CSMD1: variants seen among roughly 807,000 people sequenced by gnomAD.
CSMD1 encodes CUB and Sushi multiple domains 1.
CSMD1 carries 213 observed loss-of-function variants against 417.5 expected under a neutral mutation model. The ratio of observed to expected loss-of-function variants is 0.51; its 90% CI spans 0.46 to 0.57. The LOEUF is 0.57. CSMD1 is among the 20% of genes least tolerant of loss of function. CSMD1 has a pLI of 0.00. For synonymous variants in CSMD1, 2,862 were observed against 1,736.8 expected (o/e 1.65, Z -16.11); for missense variants, 6,923 against 4,529.7 (o/e 1.53, Z -15.17).
chr8:3,638,287 T>G (rs376883407), intron 7 of CSMD1, among the ~76,000 whole-genome samples: 4 of 152,296 alleles, frequency 2.6e-5, no homozygotes, highest in African/African-American at 9.6e-5. Flanking sequence ...GCAATTTACA[T>G]AGAAAATGTG....
chr8:4,400,493 A>G (rs575227737), intron 3 of CSMD1, among the ~76,000 whole-genome samples: 1 of 152,244 alleles, frequency 6.6e-6, no homozygotes, highest in Non-Finnish European at 1.5e-5. Context: ...GTTCAGCAAC[A>G]TCACGAGTTC....
At chr8:2,953,927 G>A (rs1191758413) in intron 65 of CSMD1, among the ~76,000 whole-genome samples, 2 of 152,222 alleles carry the variant, frequency 1.3e-5, no homozygotes, top group South Asian at 2.1e-4. Flanking sequence ...ATACCACATG[G>A]AACGACCAAT....
intron 5 of CSMD1, among the ~76,000 whole-genome samples, chr8:3,902,317 C>T (rs1209788129): frequency 6.6e-6 from 1 of 152,138 alleles, no homozygotes; most frequent in African/African-American, 2.4e-5. Context: ...CCAACTATTA[C>T]CCAGTAAGGA....
intron 12 of CSMD1, among the ~76,000 whole-genome samples, chr8:3,430,274 C>T (rs747835186): frequency 9.2e-5 from 14 of 152,044 alleles, no homozygotes; most frequent in Admixed American, 2.0e-4. Flanking sequence ...AATATGAATA[C>T]TTACAGGTGA....
chr8:4,788,763 A>T (rs541657431), intron 1 of CSMD1, among the ~76,000 whole-genome samples: 1 of 152,302 alleles, frequency 6.6e-6, no homozygotes, highest in South Asian at 2.1e-4. Flanking sequence ...AAAAAATAAA[A>T]AAAAATAAAG....
chr8:4,661,879 G>C (rs1049379925), intron 1 of CSMD1, among the ~76,000 whole-genome samples: 1 of 152,172 alleles, frequency 6.6e-6, no homozygotes, highest in African/African-American at 2.4e-5. Flanking sequence ...AAGGACGGTA[G>C]CATGCTGAGA....
At chr8:3,098,186 G>A (rs991794206) in intron 46 of CSMD1, among the ~76,000 whole-genome samples, 1 of 152,140 alleles carries the variant, frequency 6.6e-6, no homozygotes, top group Admixed American at 6.5e-5. Context: ...AAAATTACTT[G>A]TAGAGTGTTA....
At chr8:4,990,526 G>A (rs1811406848) in intron 1 of CSMD1, among the ~76,000 whole-genome samples, 1 of 152,148 alleles carries the variant, frequency 6.6e-6, no homozygotes, top group Admixed American at 6.5e-5. Context: ...ACCACGCCCA[G>A]CTAATTTCGT....
intron 3 of CSMD1, among the ~76,000 whole-genome samples, chr8:4,347,481 T>C (rs1262867997): frequency 2.0e-5 from 3 of 151,892 alleles, no homozygotes; most frequent in Admixed American, 1.3e-4. Context: ...AAGAAGGAAA[T>C]TGCAAGACTA....
intron 26 of CSMD1, among the ~76,000 whole-genome samples, chr8:3,266,821 G>A (rs1168304498): frequency 1.3e-5 from 2 of 150,950 alleles, no homozygotes; most frequent in African/African-American, 2.4e-5. Flanking sequence ...AGATGAATTG[G>A]TTGAGGTGCA....
intron 11 of CSMD1, among the ~76,000 whole-genome samples, chr8:3,476,304 A>T (rs1038880424): frequency 2.0e-5 from 3 of 152,212 alleles, no homozygotes; most frequent in Admixed American, 6.5e-5. Context: ...TGTTTTTGGG[A>T]GTAATGATTT....
intron 3 of CSMD1, among the ~76,000 whole-genome samples, chr8:4,218,598 GCTTAATTTCAA>G (rs1243456177): frequency 3.3e-5 from 5 of 152,234 alleles, no homozygotes; most frequent in Admixed American, 3.3e-4. Flanking sequence ...TTTTACAGTT[GCTTAATTTCAA>G]TAAAATCATA....
intron 3 of CSMD1, among the ~76,000 whole-genome samples, chr8:4,380,977 G>A (rs192361255): frequency 2.9e-4 from 44 of 152,096 alleles, no homozygotes; most frequent in African/African-American, 1.0e-3. Context: ...TCCCATTTGG[G>A]AAAAGAAAAA....
At chr8:3,335,474 T>G (rs1054976344) in intron 23 of CSMD1, among the ~76,000 whole-genome samples, 4 of 152,088 alleles carry the variant, frequency 2.6e-5, no homozygotes, top group African/African-American at 9.7e-5. Flanking sequence ...GGTCGGGAGA[T>G]CGAGACCAGC....
intron 26 of CSMD1, among the ~76,000 whole-genome samples, chr8:3,273,498 GA>G (rs1802032656): frequency 6.6e-6 from 1 of 152,160 alleles, no homozygotes; most frequent in African/African-American, 2.4e-5. Context: ...AATAGTTTCA[GA>G]AGGAATGGTA....
In CSMD1 at chr8:3,118,566, G is replaced by C. The variant is rs764420672; in HGVS notation, c.6263C>G (p.Pro2088Arg). ...CCCATTCTGAAATGGGGGTGGATCTGGACAGTTCTGTAATTCATAGGCTGA... is the reference window on the plus strand; with the variant it reads ...CCCATTCTGAAATGGGGGTGGATCTCGACAGTTCTGTAATTCATAGGCTGA... ...AYQAYELQNC[P>R]DPPPFQNGYM... The change falls in exon 42 of 70, where the codon CCA (proline) becomes CGA (arginine). Residue 2088 changes from proline (P) to arginine (R), a missense_variant. Transcript: ENST00000635120. 2.5e-6 allele frequency: 4 copies of C among 1,613,222 alleles called. No individual in the cohort carries two copies. The highest frequency in any genetic ancestry group is 1.3e-5 in the African/African-American group (1 of 74,832).
At chr8:4,732,706 C>A (rs1242200797) in intron 1 of CSMD1, among the ~76,000 whole-genome samples, 2 of 152,232 alleles carry the variant, frequency 1.3e-5, no homozygotes, top group African/African-American at 2.4e-5. Context: ...AAGCAGACTT[C>A]CCTTGTAGTT....
rs184514315 is a variant in CSMD1, at chr8:3,665,454, G to A, written c.1009+42960C>T. 4.5e-4 allele frequency among the ~76,000 whole-genome samples: 68 copies of A among 152,160 alleles called. No individual in the cohort carries two copies. In the East Asian group the frequency reaches 0.011, roughly 24 times the overall value. On this transcript the variant is annotated intron_variant, in intron 7 of 69. Coordinates refer to ENST00000635120, the MANE Select transcript of CSMD1 (RefSeq NM_033225.6). ...TGAGGCACAAGAATTGCTTGAACCC[G>A]GGAGACGGAGGTTGCAGTGAGCCAA... is the stretch of plus-strand genomic sequence containing the variant.
At chr8:4,672,870 G>C (rs578155384) in intron 1 of CSMD1, among the ~76,000 whole-genome samples, 6 of 152,006 alleles carry the variant, frequency 3.9e-5, no homozygotes, top group African/African-American at 1.2e-4. Context: ...TGCATACATG[G>C]TAACATGGAG....
Sources: gnomAD v4.1 joint callset for allele counts (sites outside exome capture counted in the v4.1 genomes callset) on GRCh38, gnomAD v4.1.1 for gene constraint, MANE v1.5 for transcripts, NCBI Gene and HGNC (gene_info 2026-07-23, HGNC 2026-07-21) for gene names.